Variants in FNDC7 observed in about 807,000 individuals in gnomAD.
FNDC7 encodes the protein fibronectin type III domain containing 7.
FNDC7 carries 66 observed loss-of-function variants against 74.2 expected under a neutral mutation model. The ratio of observed to expected loss-of-function variants is 0.89; its 90% CI spans 0.73 to 1.09. The LOEUF (loss-of-function observed/expected upper bound fraction) is 1.09, where lower values mean the gene tolerates loss of function less well. Ranked by LOEUF, FNDC7 falls within the 50% of genes least tolerant of loss-of-function variation. FNDC7 has a pLI of 0.00. For missense variants in FNDC7, 829 were observed against 893.4 expected, an observed-to-expected ratio of 0.93 and a Z score of 0.92; for synonymous variants, 307 against 330.2, an observed-to-expected ratio of 0.93 and a Z score of 0.76.
rs764570003 is a variant in FNDC7 at position 108,733,291 on chromosome 1, G to A, written c.1899G>A (p.Gly633=). Residue 633 remains glycine, a synonymous_variant, in exon 10 of 13, where the codon GGG becomes GGA. Coordinates refer to ENST00000370017, the MANE Select transcript of FNDC7 (RefSeq NM_001144937.3). ...SYFSGACCPL[G]VKLYRLGPNG... ...GCCTAGGTGCCTGCTGCCCTTTGGG[G>A]GTGAAATTATATAGGCTGGGCCCTA... is the stretch of plus-strand genomic sequence containing the variant. 7.5e-6 allele frequency: 12 copies of A among 1,610,520 alleles called. No homozygotes were observed. Among genetic ancestry groups the A allele is most frequent in the Non-Finnish European group, 9.3e-6 (11 of 1,177,038 alleles).
At chr1:108,740,028 C>CAA (rs1351271669) in intron 11 of FNDC7, among the ~76,000 whole-genome samples, 36 of 30,976 alleles carry the variant, frequency 1.2e-3, no homozygotes, top group African/African-American at 4.4e-3. Context: ...CGCCATCTCT[C>CAA]TAAAAAAAAA....
At chr1:108,718,180 T>C in intron 3 of FNDC7, 149 bp downstream of exon 3, 1 of 1,140,618 alleles carries the variant, frequency 8.8e-7, no homozygotes, top group Non-Finnish European at 1.2e-6. Context: ...TGATGCTGTT[T>C]GAGAATTCAG....
At chr1:108,721,525 C>T (rs1239013496) in intron 4 of FNDC7, among the ~76,000 whole-genome samples, 1 of 152,174 alleles carries the variant, frequency 6.6e-6, no homozygotes, top group Non-Finnish European at 1.5e-5. Context: ...CCAGAGGATG[C>T]TGGTCTCTGC....
chr1:108,736,371 T>G (rs561452597), intron 10 of FNDC7, among the ~76,000 whole-genome samples: 13 of 152,192 alleles, frequency 8.5e-5, no homozygotes, highest in African/African-American at 2.9e-4. Context: ...CCTCTCTCTC[T>G]CCCTCCTTTA....
intron 8 of FNDC7, among the ~76,000 whole-genome samples, chr1:108,729,689 C>G (rs1022939165): frequency 9.2e-5 from 14 of 152,164 alleles, no homozygotes; most frequent in African/African-American, 3.1e-4. Flanking sequence ...AGCAAGAGCT[C>G]CATAAAAGAA....
intron 1 of FNDC7, 56 bp from the exon 2 acceptor site, chr1:108,713,454 GT>G (rs774318342): frequency 7.6e-6 from 11 of 1,453,928 alleles, no homozygotes; most frequent in Non-Finnish European, 1.0e-5. Context: ...CATGTTTTAC[GT>G]TTGTTCAAGT....
At position 108,736,591 on chromosome 1, in the gene FNDC7, C is replaced by T. The variant is rs570719802; in HGVS notation, c.2141-904C>T. Among the ~76,000 whole-genome samples the T allele has an allele frequency of 3.5e-4, 54 of 152,350 alleles. 2 individuals carry two copies. The East Asian group carries it at 9.6e-3, about 27-fold the overall frequency. On this transcript the variant is annotated intron_variant, in intron 10 of 12. Transcript: ENST00000370017. ...TGTTCTTTCTCCTGCTCCATGCCCA[C>T]AATTTCACCCTTAGAGAGTCATTCC...
intron 6 of FNDC7, 147 bp downstream of exon 6, chr1:108,726,151 C>T (rs1661216901): frequency 2.7e-6 from 3 of 1,102,002 alleles, no homozygotes; most frequent in Non-Finnish European, 3.9e-6. Flanking sequence ...CACATTCTTT[C>T]CAGACTAGGG....
intron 4 of FNDC7, among the ~76,000 whole-genome samples, chr1:108,719,745 TGAGAGAGAGAGAGAGA>T (rs67387432): frequency 6.7e-6 from 1 of 148,232 alleles, no homozygotes; most frequent in Non-Finnish European, 1.5e-5. Flanking sequence ...GCCAAGCGAA[TGAGAGAGAGAGAGAGA>T]GAGAGAGAGA....
intron 9 of FNDC7, among the ~76,000 whole-genome samples, chr1:108,731,385 C>A (rs1026611100): frequency 2.6e-5 from 4 of 152,202 alleles, no homozygotes; most frequent in Non-Finnish European, 5.9e-5. Flanking sequence ...TGTCTACTGA[C>A]AGTATTGTAC....
chr1:108,730,554 A>C (rs1661319223), intron 8 of FNDC7, 120 bp from the exon 9 acceptor site: 1 of 1,137,796 alleles, frequency 8.8e-7, no homozygotes, highest in African/African-American at 1.6e-5. Flanking sequence ...TTAACAATGG[A>C]AAGTTGGGGA....
rs545151310 is a variant in FNDC7, at chr1:108,719,718, T to C, written c.598+669T>C. On this transcript the variant is annotated intron_variant, in intron 4 of 12. Coordinates refer to ENST00000370017, the MANE Select transcript of FNDC7 (RefSeq NM_001144937.3). Reference sequence around the variant, plus strand: ...GCAGCATTACAACTGGAGGTCCAAATTGAGCTGCTGGAGTGAGCCAAGCGA... The same window carrying C: ...GCAGCATTACAACTGGAGGTCCAAACTGAGCTGCTGGAGTGAGCCAAGCGA... Among the ~76,000 whole-genome samples, 293 of 150,530 alleles carry C rather than the reference T, an allele frequency of 1.9e-3. 1 individual carries two copies. Among genetic ancestry groups the C allele is most frequent in the African/African-American group, 5.9e-3 (243 of 40,966 alleles).
chr1:108,725,649 C>A, intron 5 of FNDC7, 101 bp from the exon 6 acceptor site: 1 of 1,276,020 alleles, frequency 7.8e-7, no homozygotes, highest in Non-Finnish European at 1.1e-6. Flanking sequence ...TCACAAAGCT[C>A]AGAGTTGCTA....
chr1:108,738,613 G>A (rs904335834), intron 11 of FNDC7, among the ~76,000 whole-genome samples: 1 of 121,910 alleles, frequency 8.2e-6, no homozygotes. Flanking sequence ...CTTCTTGCCC[G>A]TAAACCCCAC....
intron 11 of FNDC7, among the ~76,000 whole-genome samples, chr1:108,741,461 C>T (rs1661645628): frequency 6.6e-6 from 1 of 152,066 alleles, no homozygotes; most frequent in South Asian, 2.1e-4. Flanking sequence ...TTTGGAGTTC[C>T]CTGAGGAGCA....
At chr1:108,737,653 C>G in intron 11 of FNDC7, 129 bp downstream of exon 11, 1 of 640,538 alleles carries the variant, frequency 1.6e-6, no homozygotes, top group Non-Finnish European at 2.7e-6. Context: ...GGCTCCTGCT[C>G]TCTTATCCCA....
intron 4 of FNDC7, among the ~76,000 whole-genome samples, chr1:108,721,322 A>T (rs1217616541): frequency 6.6e-6 from 1 of 152,112 alleles, no homozygotes; most frequent in Non-Finnish European, 1.5e-5. Context: ...ACAAAAAATT[A>T]GCAGAGCATG....
At chr1:108,723,026 G>C (rs767872191) in intron 5 of FNDC7, among the ~76,000 whole-genome samples, 5 of 152,046 alleles carry the variant, frequency 3.3e-5, no homozygotes, top group Non-Finnish European at 5.9e-5. Flanking sequence ...CATGCGTTTA[G>C]ATATTTTTCC....
chr1:108,717,281 G>A (rs1051182441), intron 2 of FNDC7, among the ~76,000 whole-genome samples: 4 of 152,236 alleles, frequency 2.6e-5, no homozygotes, highest in Non-Finnish European at 5.9e-5. Context: ...AAGTGCATGA[G>A]AGAGTGACCG....
Sources: allele counts gnomAD v4.1 joint callset (sites outside exome capture counted in the v4.1 genomes callset), GRCh38; gene constraint gnomAD v4.1.1; transcripts MANE v1.5; gene names NCBI Gene and HGNC (gene_info 2026-07-23, HGNC 2026-07-21).